Variants in KAZN observed in about 807,000 individuals in gnomAD.
The protein encoded by KAZN is kazrin.
Under a neutral mutation model 87.4 loss-of-function variants are expected in KAZN, and 40 were observed. The observed-to-expected ratio is 0.46, with a 90% confidence interval of 0.36 to 0.60. KAZN has a LOEUF of 0.60. Among genes scored for constraint, KAZN ranks in the 20% least tolerant of loss-of-function variants. The pLI is 0.00. For synonymous variants in KAZN, 466 were observed against 458.3 expected (o/e 1.02, Z -0.22); for missense variants, 898 against 1,073.9 (o/e 0.84, Z 2.29).
At position 14,522,776 on chromosome 1, in the gene KAZN, G is replaced by C. The variant is rs148971721; in HGVS notation, c.250-76207G>C. 3.0e-3 allele frequency among the ~76,000 whole-genome samples: 450 copies of C among 152,324 alleles called. 2 individuals carry two copies. Among genetic ancestry groups the C allele is most frequent in the African/African-American group, 0.011 (437 of 41,560 alleles). Reference sequence around the variant, plus strand: ...ATCTTTTGTGTGTGTTTCAGATGTAGAAGGAATGAATGAATCACAGGTCAT... The same window carrying C: ...ATCTTTTGTGTGTGTTTCAGATGTACAAGGAATGAATGAATCACAGGTCAT... On this transcript the variant is annotated intron_variant, in intron 2 of 16. Transcript: ENST00000636203.
chr1:15,070,063 T>C (rs1331779655), intron 8 of KAZN, among the ~76,000 whole-genome samples: 1 of 152,210 alleles, frequency 6.6e-6, no homozygotes, highest in Non-Finnish European at 1.5e-5. Flanking sequence ...GTCATGGAGC[T>C]GGGAGACAAT....
intron 1 of KAZN, among the ~76,000 whole-genome samples, chr1:13,998,454 ATTGGTGTGCTGT>A (rs1434998664): frequency 6.6e-6 from 1 of 152,232 alleles, no homozygotes; most frequent in African/African-American, 2.4e-5. Context: ...GTCAAGATCC[ATTGGTGTGCTGT>A]ATTCAGGAGA....
intron 6 of KAZN, chr1:15,061,420 T>A (rs1040768088): frequency 6.6e-6 from 1 of 152,240 alleles, no homozygotes; most frequent in East Asian, 1.9e-4. Context: ...CAGAGATTGC[T>A]GGCCCGGGGA....
At chr1:14,037,576 C>A (rs1641614924) in intron 1 of KAZN, among the ~76,000 whole-genome samples, 1 of 152,196 alleles carries the variant, frequency 6.6e-6, no homozygotes, top group South Asian at 2.1e-4. Context: ...TATCGTGTGG[C>A]TTGCGGGGAG....
chr1:14,146,536 C>CAAAAAAAAAAAAAAAA (rs55928646), intron 1 of KAZN, among the ~76,000 whole-genome samples: 3 of 63,504 alleles, frequency 4.7e-5, no homozygotes, highest in African/African-American at 1.3e-4. Flanking sequence ...AACTCCATCT[C>CAAAAAAAAAAAAAAAA]AAAAAAAAAA....
intron 11 of KAZN, 21 bp downstream of exon 11, chr1:15,101,795 T>G (rs935295363): frequency 6.6e-7 from 1 of 1,524,126 alleles, no homozygotes; most frequent in Non-Finnish European, 8.9e-7. Flanking sequence ...GGGCACAGGG[T>G]GGGGGCACCT....
chr1:15,081,704 C>T lies in KAZN; in HGVS notation c.1223-12476C>T, dbSNP rs1033113113. On this transcript the variant is annotated intron_variant, in intron 8 of 14. Transcript: ENST00000376030. The surrounding 1 kb of genome is among the most constrained non-coding windows in gnomAD (Gnocchi z 4.1). Reference sequence around the variant, plus strand: ...AGCTTCACCAGGCAGAGGAAAGTGACAGGCCGCTGTTCAGGCCAAGGGAAC... The same window carrying T: ...AGCTTCACCAGGCAGAGGAAAGTGATAGGCCGCTGTTCAGGCCAAGGGAAC... Among the ~76,000 whole-genome samples, 1 of 152,126 alleles carries T rather than the reference C, an allele frequency of 6.6e-6. No individual in the cohort carries two copies. Among genetic ancestry groups the T allele is most frequent in the Admixed American group, 6.5e-5 (1 of 15,278 alleles).
chr1:15,056,237 G>C lies in KAZN; in HGVS notation c.873G>C (p.Gln291His). 6.2e-7 allele frequency: 1 copy of C among 1,613,912 alleles called. No individual in the cohort carries two copies. Residue 291 changes from glutamine to histidine, a missense_variant, in exon 5 of 15, where the codon CAG (glutamine) becomes CAC (histidine). Gln to His is a conservative substitution (Grantham distance 24). Transcript: ENST00000376030. This position sits in a 1 kb window ranked among gnomAD's most constrained non-coding sequence, Gnocchi z 5.4. Reference sequence around the variant, plus strand: ...CCGCAGCCATCCGGCAGAGTCAACAGACTCTCTACCACTCACACCCCCCTC... The same window carrying C: ...CCGCAGCCATCCGGCAGAGTCAACACACTCTCTACCACTCACACCCCCCTC... The part of the protein sequence containing the change: ...PLTAAIRQSQ[Q>H]TLYHSHPPHP...
At chr1:14,188,855 G>T (rs910426279) in intron 2 of KAZN, among the ~76,000 whole-genome samples, 1 of 151,898 alleles carries the variant, frequency 6.6e-6, no homozygotes, top group Non-Finnish European at 1.5e-5. Context: ...TTTCTTATCC[G>T]TTATTTAGTA....
intron 1 of KAZN, among the ~76,000 whole-genome samples, chr1:14,826,537 C>A (rs16850911): frequency 0.071 from 10,740 of 152,172 alleles, 475 homozygotes; most frequent in African/African-American, 0.12. Flanking sequence ...GGCTGATGGC[C>A]CGTTCCCCAT....
At chr1:14,713,425 G>T (rs952539204) in intron 1 of KAZN, among the ~76,000 whole-genome samples, 1 of 152,122 alleles carries the variant, frequency 6.6e-6, no homozygotes, top group Non-Finnish European at 1.5e-5. Flanking sequence ...TGTCATTTAC[G>T]GAGCTGGCAC....
chr1:14,227,167 A>C (rs12723920), intron 2 of KAZN, among the ~76,000 whole-genome samples: 4 of 151,992 alleles, frequency 2.6e-5, no homozygotes, highest in Admixed American at 6.5e-5. Context: ...ATACAGATTG[A>C]TAAAGTCAGA....
chr1:14,455,747 G>A lies in KAZN; in HGVS notation c.250-143236G>A, dbSNP rs572675847. Among the ~76,000 whole-genome samples, 275 of 152,246 alleles carry A rather than the reference G, an allele frequency of 1.8e-3. 1 individual carries two copies. Among genetic ancestry groups the A allele is most frequent in the African/African-American group, 6.5e-3 (268 of 41,550 alleles). On this transcript the variant is annotated intron_variant, in intron 2 of 16. Coordinates refer to the KAZN transcript ENST00000636203. ...AAATAAGCTTGCCACTCAAACATGA[G>A]GAGTTACTCTAACCAGAGGAATTCT...
intron 1 of KAZN, among the ~76,000 whole-genome samples, chr1:14,733,386 C>T (rs1423855730): frequency 6.6e-6 from 1 of 152,118 alleles, no homozygotes; most frequent in Non-Finnish European, 1.5e-5. Flanking sequence ...AGTTCTTTCC[C>T]GTTGCCCCAC....
At chr1:13,982,217 C>T (rs1020207388) in intron 1 of KAZN, among the ~76,000 whole-genome samples, 1 of 152,156 alleles carries the variant, frequency 6.6e-6, no homozygotes, top group African/African-American at 2.4e-5. Context: ...CAAGAGTGGG[C>T]TGCCTCACAG....
At chr1:14,693,272 G>A (rs1157488316) in intron 1 of KAZN, among the ~76,000 whole-genome samples, 2 of 152,180 alleles carry the variant, frequency 1.3e-5, no homozygotes, top group African/African-American at 2.4e-5. Context: ...AGATAGGGAG[G>A]CAGTTGTTTC....
At chr1:14,569,395 T>C (rs1253880227) in intron 2 of KAZN, among the ~76,000 whole-genome samples, 1 of 138,136 alleles carries the variant, frequency 7.2e-6, no homozygotes, top group Admixed American at 8.2e-5. Context: ...AGATCTCGGC[T>C]CACTGCAATC....
chr1:14,277,962 C>T (rs1331682745), intron 2 of KAZN, among the ~76,000 whole-genome samples: 1 of 151,992 alleles, frequency 6.6e-6, no homozygotes, highest in Non-Finnish European at 1.5e-5. Flanking sequence ...TCCCTCTCCA[C>T]CCTCACGTTT....
intron 1 of KAZN, among the ~76,000 whole-genome samples, chr1:14,904,729 G>A (rs1656317439): frequency 6.6e-6 from 1 of 152,186 alleles, no homozygotes; most frequent in African/African-American, 2.4e-5. Context: ...TCTCTGTGGG[G>A]CAGGAAATGC....
Sources: gnomAD v4.1 joint callset for allele counts (sites outside exome capture counted in the v4.1 genomes callset) on GRCh38, gnomAD v4.1.1 for gene constraint, Gnocchi (gnomAD v3.1) non-coding constraint, MANE v1.5 for transcripts, NCBI Gene and HGNC (gene_info 2026-07-23, HGNC 2026-07-21) for gene names.